GLT1D1: variants seen among roughly 807,000 people sequenced by gnomAD.
GLT1D1 encodes the protein glycosyltransferase 1 domain-containing protein 1.
GLT1D1 carries 21 observed loss-of-function variants against 28.7 expected under a neutral mutation model. The observed-to-expected ratio is 0.73, with a 90% CI of 0.52 to 1.05. The LOEUF is 1.05. Among genes scored for constraint, GLT1D1 ranks in the 50% least tolerant of loss-of-function variants. GLT1D1 has a pLI of 0.00. For missense variants in GLT1D1, 343 were observed against 330.6 expected, an observed-to-expected ratio of 1.04 and a Z score of -0.29; for synonymous variants, 147 against 124.8, an observed-to-expected ratio of 1.18 and a Z score of -1.19.
At chr12:128,930,045 A>T (rs1873698521) in intron 4 of GLT1D1, among the ~76,000 whole-genome samples, 1 of 152,226 alleles carries the variant, frequency 6.6e-6, no homozygotes. Context: ...CATATGGAAG[A>T]TAAATTACGC....
At chr12:128,873,881 T>C (rs1288154108) in intron 1 of GLT1D1, among the ~76,000 whole-genome samples, 12 of 117,706 alleles carry the variant, frequency 1.0e-4, no homozygotes, top group South Asian at 3.3e-4. Flanking sequence ...CTTCCTTCCT[T>C]CCTCTCTCTT....
At chr12:128,967,448 C>T (rs938445869) in intron 7 of GLT1D1, among the ~76,000 whole-genome samples, 2 of 152,188 alleles carry the variant, frequency 1.3e-5, no homozygotes, top group Non-Finnish European at 1.5e-5. Context: ...GATGCTTCTT[C>T]GGGAGAGTGG....
rs531782226 is a variant in GLT1D1 at position 128,971,965 on chromosome 12, G to T, written c.640-10964G>T. ...TTGAGTTTTGCCGGGAGAATCCATT[G>T]TTTGCACTTTATACGGGAGAATGGT... On this transcript the variant is annotated intron_variant, in intron 7 of 7. Coordinates refer to ENST00000281703, the MANE Select transcript of GLT1D1 (RefSeq NM_144669.3). Among the ~76,000 whole-genome samples the T allele has an allele frequency of 3.4e-5, 5 of 146,950 alleles. No individual in the cohort carries two copies. In the East Asian group the frequency reaches 8.2e-4, roughly 24 times the overall value.
Position 128,983,348 on chromosome 12 carries a change from A to G in GLT1D1, c.*258A>G, listed in dbSNP as rs1238127291. The G allele has an allele frequency of 4.6e-6, 2 of 430,364 alleles. No individual in the cohort carries two copies. The highest frequency in any genetic ancestry group is 8.4e-6 in the Non-Finnish European group (2 of 239,340). The allele number at this position is 430,364 out of a possible 1,614,324, so 26.7% of individuals were successfully genotyped here. A position where few individuals can be genotyped will look rare whatever the true frequency, so the allele number is the denominator to read the frequency against. ...AGTGACTGGGTTGACTGGGACAGGG[A>G]AAGGGGAACTGGTTTTCAGGGAATT... is the stretch of plus-strand genomic sequence containing the variant. On this transcript the variant is annotated 3_prime_UTR_variant, in exon 8 of 8. Coordinates refer to ENST00000281703, the MANE Select transcript of GLT1D1 (RefSeq NM_144669.3). The surrounding 1 kb of genome is among the most constrained non-coding windows in gnomAD (Gnocchi z 4.7).
chr12:128,853,877 C>T (rs964202459), intron 1 of GLT1D1, among the ~76,000 whole-genome samples: 1 of 152,140 alleles, frequency 6.6e-6, no homozygotes, highest in African/African-American at 2.4e-5. Context: ...GGCGCATTGG[C>T]CTCGCGCTCT....
In GLT1D1 at chr12:128,853,764, T is replaced by C. The variant is rs1415312253; in HGVS notation, c.68+115T>C. 4 of 692,838 alleles carry C rather than the reference T, an allele frequency of 5.8e-6. No homozygotes were observed. In the East Asian group the frequency reaches 3.3e-4, roughly 56 times the overall value. The allele number at this position is 692,838 out of a possible 1,614,324, so 42.9% of individuals were successfully genotyped here. ...GCCCCCTCCAGCCGCGCCGGGGCCGTCCCGAGCCGCGCGCACAAACGGATG... is the reference window on the plus strand; with the variant it reads ...GCCCCCTCCAGCCGCGCCGGGGCCGCCCCGAGCCGCGCGCACAAACGGATG... On this transcript the variant is annotated intron_variant, in intron 1 of 7. Coordinates refer to ENST00000281703, the MANE Select transcript of GLT1D1 (RefSeq NM_144669.3).
intron 4 of GLT1D1, among the ~76,000 whole-genome samples, chr12:128,934,726 G>A (rs1268741195): frequency 1.3e-5 from 2 of 152,176 alleles, no homozygotes; most frequent in African/African-American, 2.4e-5. Flanking sequence ...GCAGGCTGGC[G>A]AGCCAGCTTG....
In GLT1D1 at chr12:128,869,230, C is replaced by T. The variant is rs550271376; in HGVS notation, c.69-6684C>T. ...CGTCCAGGCTGGAGTGCAGTGGCACCGTCTTGACTCACTGCAGCCTTGTCT... is the reference window on the plus strand; with the variant it reads ...CGTCCAGGCTGGAGTGCAGTGGCACTGTCTTGACTCACTGCAGCCTTGTCT... On this transcript the variant is annotated intron_variant, in intron 1 of 7. Transcript: ENST00000281703. 1.4e-4 allele frequency among the ~76,000 whole-genome samples: 22 copies of T among 152,140 alleles called. No individual in the cohort carries two copies. In the East Asian group the frequency reaches 1.9e-3, roughly 13 times the overall value.
At chr12:128,909,123 G>A (rs1871271120) in intron 4 of GLT1D1, among the ~76,000 whole-genome samples, 1 of 152,046 alleles carries the variant, frequency 6.6e-6, no homozygotes, top group Admixed American at 6.6e-5. Flanking sequence ...CCCAACTCTT[G>A]AAAACCTCTT....
At chr12:128,862,254 G>A (rs1489234584) in intron 1 of GLT1D1, among the ~76,000 whole-genome samples, 1 of 151,622 alleles carries the variant, frequency 6.6e-6, no homozygotes, top group Non-Finnish European at 1.5e-5. Flanking sequence ...GCTTGAGCCT[G>A]GGAGGTGGAG....
chr12:128,858,409 C>A (rs148448988), intron 1 of GLT1D1, among the ~76,000 whole-genome samples: 2 of 152,162 alleles, frequency 1.3e-5, no homozygotes, highest in African/African-American at 4.8e-5. Flanking sequence ...TGGTGGCTCA[C>A]GTCTGTAATC....
At chr12:128,950,017 A>C (rs1268850459) in intron 6 of GLT1D1, among the ~76,000 whole-genome samples, 3 of 151,514 alleles carry the variant, frequency 2.0e-5, no homozygotes, top group Non-Finnish European at 4.4e-5. Flanking sequence ...GGCAGCTGCG[A>C]CTCTGTGTCA....
At chr12:128,945,166 C>T (rs546301866) in intron 4 of GLT1D1, 160 bp from the exon 9 acceptor site, 166 of 779,708 alleles carry the variant, frequency 2.1e-4, no homozygotes, top group Non-Finnish European at 3.3e-4. Context: ...GCCGGGGGCC[C>T]CCATGATCAC....
intron 1 of GLT1D1, among the ~76,000 whole-genome samples, chr12:128,866,510 C>T (rs181329116): frequency 1.5e-4 from 23 of 151,468 alleles, no homozygotes; most frequent in Non-Finnish European, 2.8e-4. Context: ...CCCCCAACAG[C>T]CTCTGGGAAC....
intron 4 of GLT1D1, among the ~76,000 whole-genome samples, chr12:128,923,555 T>G (rs554412032): frequency 6.0e-5 from 9 of 151,222 alleles, no homozygotes; most frequent in Non-Finnish European, 1.2e-4. Flanking sequence ...GGAGTCTCAC[T>G]CTGTTACCCA....
chr12:128,872,963 A>G (rs1321945890), intron 1 of GLT1D1, among the ~76,000 whole-genome samples: 2 of 152,032 alleles, frequency 1.3e-5, no homozygotes, highest in African/African-American at 2.4e-5. Flanking sequence ...TCGCATGATC[A>G]TGGCTCACTG....
intron 1 of GLT1D1, among the ~76,000 whole-genome samples, chr12:128,854,213 T>C (rs983424338): frequency 2.0e-5 from 3 of 151,746 alleles, no homozygotes; most frequent in African/African-American, 7.3e-5. Flanking sequence ...TGTTTACTTG[T>C]TGGTCTGTGT....
intron 1 of GLT1D1, among the ~76,000 whole-genome samples, chr12:128,855,813 C>T (rs953897615): frequency 8.0e-6 from 1 of 124,448 alleles, no homozygotes; most frequent in Non-Finnish European, 1.6e-5. Flanking sequence ...AGTGCAATGG[C>T]GGGGTCTCAG....
intron 2 of GLT1D1, among the ~76,000 whole-genome samples, chr12:128,876,317 G>GT (rs1164012320): frequency 1.3e-5 from 2 of 151,878 alleles, no homozygotes; most frequent in Admixed American, 6.6e-5. Context: ...TTATTTATTT[G>GT]TTTTTTTGGG....
Sources: allele counts gnomAD v4.1 joint callset (sites outside exome capture counted in the v4.1 genomes callset), GRCh38; gene constraint gnomAD v4.1.1; non-coding constraint Gnocchi (gnomAD v3.1); transcripts MANE v1.5; gene names NCBI Gene and HGNC (gene_info 2026-07-23, HGNC 2026-07-21).